The following DNAH12 variants were observed in gnomAD, a reference collection of about 807,000 sequenced individuals.
DNAH12 encodes the protein dynein axonemal heavy chain 12.
In DNAH12, 285 loss-of-function variants were observed where a neutral mutation model predicts 371.5. The observed-to-expected ratio is 0.77, with a 90% CI of 0.70 to 0.85. The LOEUF (loss-of-function observed/expected upper bound fraction) is 0.85, where lower values mean the gene tolerates loss of function less well. DNAH12 is among the 40% of genes least tolerant of loss of function. DNAH12 has a pLI of 0.00. For missense variants in DNAH12, 3,611 were observed against 3,689.4 expected, an observed-to-expected ratio of 0.98 and a Z score of 0.55; for synonymous variants, 1,200 against 1,213.0, an observed-to-expected ratio of 0.99 and a Z score of 0.22.
intron 43 of DNAH12, among the ~76,000 whole-genome samples, chr3:57,397,966 C>A (rs2063779671): frequency 6.6e-6 from 1 of 152,202 alleles, no homozygotes; most frequent in East Asian, 1.9e-4. Flanking sequence ...TAAGGAAATG[C>A]AGATCTATGA....
chr3:57,452,882 A>G lies in DNAH12; in HGVS notation c.3747T>C (p.Leu1249=). ...AYEYLGNSPR[L]VITPLTDRCY... ...ACCTGTCAGTTAGAGGCGTAATGAC[A>G]AGTCGAGGTGAGTTACCAAGATATT... is the stretch of plus-strand genomic sequence containing the variant. Residue 1249 remains leucine (L), a synonymous_variant, in exon 25 of 74, where the codon CTT becomes CTC. Coordinates refer to ENST00000495027, the MANE Select transcript of DNAH12 (RefSeq NM_001366028.2). 1 of 1,550,840 alleles carries G rather than the reference A, an allele frequency of 6.4e-7. No homozygotes were observed. Among genetic ancestry groups the G allele is most frequent in the Non-Finnish European group, 8.7e-7 (1 of 1,146,800 alleles).
chr3:57,511,044 T>C, intron 4 of DNAH12, 65 bp from the exon 5 acceptor site: 2 of 1,187,010 alleles, frequency 1.7e-6, no homozygotes, highest in Non-Finnish European at 2.3e-6. Flanking sequence ...ACTCCTGAAC[T>C]CTCCCTTCCT....
the DNAH12 span, among the ~76,000 whole-genome samples, chr3:57,554,868 C>T: frequency 6.6e-6 from 1 of 152,136 alleles, no homozygotes; most frequent in Non-Finnish European, 1.5e-5. Flanking sequence ...CCACCCGCCT[C>T]AGCCTCCCAA....
At chr3:57,418,180 A>AAT in intron 37 of DNAH12, among the ~76,000 whole-genome samples, 1 of 151,066 alleles carries the variant, frequency 6.6e-6, no homozygotes, top group Non-Finnish European at 1.5e-5. Context: ...CAAATAAATA[A>AAT]ATATATATAT....
At chr3:57,448,808 C>T (rs893791224) in intron 25 of DNAH12, among the ~76,000 whole-genome samples, 1 of 152,224 alleles carries the variant, frequency 6.6e-6, no homozygotes, top group Non-Finnish European at 1.5e-5. Context: ...CAAAGGTTCT[C>T]CAAAGCCCCA....
At chr3:57,500,236 TC>T (rs2067493349) in intron 11 of DNAH12, among the ~76,000 whole-genome samples, 1 of 152,122 alleles carries the variant, frequency 6.6e-6, no homozygotes, top group African/African-American at 2.4e-5. Context: ...AGATGGGGTT[TC>T]GCCATGTTGG....
At chr3:57,483,338 T>C (rs1385553935) in intron 13 of DNAH12, 38 bp downstream of exon 13, 1 of 1,534,056 alleles carries the variant, frequency 6.5e-7, no homozygotes, top group South Asian at 1.2e-5. Context: ...TATTTCACAA[T>C]GAAAACAAAC....
intron 58 of DNAH12, among the ~76,000 whole-genome samples, chr3:57,361,448 A>ATATATATACACACACACAC (rs2062931802): frequency 7.6e-6 from 1 of 131,956 alleles, no homozygotes; most frequent in African/African-American, 3.1e-5. Context: ...CACACACTAT[A>ATATATATACACACACACAC]TATATATATA....
At chr3:57,391,468 G>A (rs1417744238) in intron 45 of DNAH12, among the ~76,000 whole-genome samples, 3 of 152,050 alleles carry the variant, frequency 2.0e-5, no homozygotes, top group Non-Finnish European at 4.4e-5. Flanking sequence ...CAGATCTTGG[G>A]ACTTTTTAGG....
intron 11 of DNAH12, among the ~76,000 whole-genome samples, chr3:57,493,980 G>A (rs968843550): frequency 6.6e-6 from 1 of 152,146 alleles, no homozygotes; most frequent in Non-Finnish European, 1.5e-5. Context: ...TGCTTGTAAT[G>A]CCAGAGCTTT....
At chr3:57,294,010 G>A in intron 73 of DNAH12, 39 bp from the exon 74 acceptor site, 1 of 1,406,778 alleles carries the variant, frequency 7.1e-7, no homozygotes, top group Non-Finnish European at 9.3e-7. Context: ...TTGATAAAGG[G>A]AAAAACAGCC....
intron 62 of DNAH12, among the ~76,000 whole-genome samples, chr3:57,324,601 C>G (rs892995387): frequency 1.3e-5 from 2 of 152,070 alleles, no homozygotes; most frequent in Non-Finnish European, 2.9e-5. Flanking sequence ...CCAAGATGGC[C>G]GAATAGGAAC....
intron 55 of DNAH12, among the ~76,000 whole-genome samples, chr3:57,371,669 G>GCACA (rs878975719): frequency 0.21 from 31,201 of 147,088 alleles, 3,695 homozygotes; most frequent in East Asian, 0.5. Context: ...CTCAAAACAC[G>GCACA]CACACACACA....
chr3:57,332,016 C>T (rs551885935), intron 62 of DNAH12, among the ~76,000 whole-genome samples: 20 of 152,240 alleles, frequency 1.3e-4, no homozygotes, highest in African/African-American at 4.6e-4. Context: ...AATTTCCCCC[C>T]ACCCTGCTCC....
chr3:57,543,834 G>C (rs1387490813), intron 1 of DNAH12, among the ~76,000 whole-genome samples: 1 of 151,658 alleles, frequency 6.6e-6, no homozygotes, highest in African/African-American at 2.4e-5. Context: ...ATCACCTCAG[G>C]TCGGGAGTTC....
Position 57,296,873 on chromosome 3 carries a change from T to C in DNAH12, c.11506A>G (p.Ile3836Val), listed in dbSNP as rs1434151745. The change falls in exon 71 of 74, where the codon ATT (isoleucine) becomes GTT (valine). Residue 3836 changes from isoleucine (I) to valine (V), a missense_variant. Around this residue, in one of 3 missense-constraint regions of DNAH12, gnomAD observed 2,266 missense variants for 2,236.9 expected, o/e 1.01. Transcript: ENST00000495027. ...QNYARKYTTP[I>V]DLLGYEFEVI... ...TCAAATTCATATCCTAGCAAATCAA[T>C]AGGGGTGGTATATTTTCTGGCATAA... is the stretch of plus-strand genomic sequence containing the variant. 4.5e-6 allele frequency: 7 copies of C among 1,551,472 alleles called. No homozygotes were observed. The highest frequency in any genetic ancestry group is 6.1e-6 in the Non-Finnish European group (7 of 1,146,976).
At chr3:57,495,137 G>A (rs2067263590) in intron 11 of DNAH12, among the ~76,000 whole-genome samples, 1 of 152,126 alleles carries the variant, frequency 6.6e-6, no homozygotes, top group Admixed American at 6.5e-5. Context: ...ATGTGAAACA[G>A]TAAATGACAG....
chr3:57,377,406 A>C (rs2063302400), intron 52 of DNAH12, among the ~76,000 whole-genome samples, 184 bp from the exon 53 acceptor site: 1 of 152,104 alleles, frequency 6.6e-6, no homozygotes, highest in African/African-American at 2.4e-5. Flanking sequence ...AAAATAGATA[A>C]ATCTGGACTA....
Position 57,450,250 on chromosome 3 carries a change from T to TAAAAAAA in DNAH12, c.3786+2586_3786+2592dup, listed in dbSNP as rs58958877. 2.1e-4 allele frequency among the ~76,000 whole-genome samples: 21 copies of TAAAAAAA among 98,594 alleles called. 3 individuals are homozygous for TAAAAAAA. The highest frequency in any genetic ancestry group is 2.2e-4 in the Admixed American group (2 of 8,940). 64.7% of individuals were successfully genotyped at this position (98,594 alleles called of 152,430 possible). On this transcript the variant is annotated intron_variant, in intron 25 of 73. Transcript: ENST00000495027. ...GTGACAGAGTGAGACTGTCTCAATT[T>TAAAAAAA]AAAAAAAAAAAAAGGTGGCCCAGTG... is the stretch of plus-strand genomic sequence containing the variant.
Sources: allele counts gnomAD v4.1 joint callset (sites outside exome capture counted in the v4.1 genomes callset), GRCh38; gene constraint gnomAD v4.1.1; regional missense constraint gnomAD v4.1.1; transcripts MANE v1.5; gene names NCBI Gene and HGNC (gene_info 2026-07-23, HGNC 2026-07-21).